NFKB1: variants seen among roughly 807,000 people sequenced by gnomAD.
NFKB1 encodes nuclear factor NF-kappa-B p105 subunit.
Under a neutral mutation model 105.1 loss-of-function variants are expected in NFKB1, and 9 were observed. That is an observed-to-expected ratio of 0.09 (90% CI 0.05 to 0.15). NFKB1 has a LOEUF of 0.15. Among genes scored for constraint, NFKB1 ranks in the 10% least tolerant of loss-of-function variants. The pLI, the probability that NFKB1 is intolerant of heterozygous loss-of-function variation, is 1.00. For synonymous variants in NFKB1, 440 were observed against 442.2 expected (o/e 1.00, Z 0.06); for missense variants, 830 against 1,203.7 (o/e 0.69, Z 4.59).
chr4:102,577,048 C>T lies in NFKB1; in HGVS notation c.571+9C>T, dbSNP rs779388557. On this transcript the variant is annotated intron_variant, in intron 7 of 23. Transcript: ENST00000226574. ...GGACCGGCAGCTGGGAGGTAAGCAT[C>T]ATTTTCCTGGCCTTGATCCTCCAAG... The T allele has an allele frequency of 1.1e-5, 17 of 1,606,262 alleles. No individual in the cohort carries two copies. The highest frequency in any genetic ancestry group is 4.2e-6 in the Non-Finnish European group (5 of 1,177,610).
intron 14 of NFKB1, among the ~76,000 whole-genome samples, chr4:102,597,069 C>T (rs1726679072): frequency 6.6e-6 from 1 of 152,114 alleles, no homozygotes; most frequent in South Asian, 2.1e-4. Context: ...ACGTGAGTGG[C>T]TCATTGAACG....
At chr4:102,588,384 T>G (rs1459305962) in intron 11 of NFKB1, among the ~76,000 whole-genome samples, 1 of 150,908 alleles carries the variant, frequency 6.6e-6, no homozygotes, top group African/African-American at 2.4e-5. Flanking sequence ...ACGATCGAAA[T>G]AATCAAGAGA....
At chr4:102,569,590 G>T (rs143739273) in intron 6 of NFKB1, among the ~76,000 whole-genome samples, 106 of 152,148 alleles carry the variant, frequency 7.0e-4, no homozygotes, top group African/African-American at 2.4e-3. Context: ...TACAGATTAG[G>T]CAAAGAGTAT....
At chr4:102,607,625 T>C (rs1727919112) in intron 18 of NFKB1, 24 bp from the exon 19 acceptor site, 2 of 1,611,356 alleles carry the variant, frequency 1.2e-6, no homozygotes, top group Admixed American at 3.3e-5. Context: ...CCACTAACGC[T>C]TTCTTGTGTG....
At position 102,606,556 on chromosome 4, in the gene NFKB1, G is replaced by A; in HGVS notation, c.1813G>A (p.Ala605Thr). 6.2e-7 allele frequency: 1 copy of A among 1,614,172 alleles called. No homozygotes were observed. Among genetic ancestry groups the A allele is most frequent in the Non-Finnish European group, 8.5e-7 (1 of 1,180,036 alleles). The stretch of plus-strand genomic sequence containing the variant: ...AGATGTGGTGGAGGATTTGCTGAGG[G>A]CTGGGGCCGACCTGAGCCTTCTGGA... ...QEDVVEDLLR[A>T]GADLSLLDRL... The change falls in exon 17 of 24, where the codon GCT becomes ACT. Residue 605 changes from alanine (A) to threonine (T), a missense_variant. By Grantham distance (58) the Ala-to-Thr change is moderately conservative. Coordinates refer to ENST00000226574, the MANE Select transcript of NFKB1 (RefSeq NM_003998.4).
chr4:102,590,013 G>T (rs968237243), intron 11 of NFKB1, among the ~76,000 whole-genome samples: 2 of 152,114 alleles, frequency 1.3e-5, no homozygotes, highest in Non-Finnish European at 2.9e-5. Context: ...GTCTCAGAGG[G>T]CATCACTGTA....
chr4:102,559,916 T>C (rs933374777), intron 5 of NFKB1, among the ~76,000 whole-genome samples: 1 of 146,572 alleles, frequency 6.8e-6, no homozygotes, highest in African/African-American at 2.5e-5. Flanking sequence ...CCAGCCTGAA[T>C]GGCAGAGCAA....
chr4:102,523,755 G>C (rs1008007675), intron 1 of NFKB1, among the ~76,000 whole-genome samples: 2 of 152,074 alleles, frequency 1.3e-5, no homozygotes, highest in Admixed American at 6.5e-5. Flanking sequence ...TAGAAGCCAG[G>C]TCTTCTCCAT....
chr4:102,533,633 G>A lies in NFKB1; in HGVS notation c.119-212G>A, dbSNP rs72696160. ...AACAAACATTTACTTATTGTGGTTC[G>A]CTAAACTCGTAAAACTATTGTTAAA... On this transcript the variant is annotated intron_variant, in intron 3 of 23. Transcript: ENST00000226574. Among the ~76,000 whole-genome samples, 959 of 152,212 alleles carry A rather than the reference G, an allele frequency of 6.3e-3. 1 individual carries two copies. Among genetic ancestry groups the A allele is most frequent in the Non-Finnish European group, 7.8e-3 (533 of 68,012 alleles).
At chr4:102,541,607 A>C (rs1367054849) in intron 5 of NFKB1, among the ~76,000 whole-genome samples, 1 of 152,186 alleles carries the variant, frequency 6.6e-6, no homozygotes, top group Non-Finnish European at 1.5e-5. Context: ...GTGTGTGAAC[A>C]ATGGGAGGGT....
chr4:102,584,628 A>C (rs1578795316), intron 10 of NFKB1, 54 bp from the exon 11 acceptor site: 2 of 77,158 alleles, frequency 2.6e-5, no homozygotes, highest in Non-Finnish European at 4.5e-5. Flanking sequence ...GCATTACTGC[A>C]AAAAAAAAAA....
intron 5 of NFKB1, among the ~76,000 whole-genome samples, chr4:102,542,124 C>T (rs1219552951): frequency 1.1e-4 from 17 of 152,124 alleles, no homozygotes. Flanking sequence ...TACATTAAAT[C>T]ATTTTAAAAC....
Position 102,611,282 on chromosome 4 carries a change from G to A in NFKB1, c.2352+583G>A, listed in dbSNP as rs4648106. Among the ~76,000 whole-genome samples, 858 of 152,224 alleles carry A rather than the reference G, an allele frequency of 5.6e-3. 16 individuals carry two copies. The highest frequency in any genetic ancestry group is 0.019 in the African/African-American group (792 of 41,524). ...TGACAAGATCAGTTCTTCTAGAGAC[G>A]AGAGCTGCTCCACTTCTAAAACTGC... On this transcript the variant is annotated intron_variant, in intron 20 of 23. Transcript: ENST00000226574.
chr4:102,526,179 A>G (rs1487049849), intron 2 of NFKB1, among the ~76,000 whole-genome samples: 1 of 152,102 alleles, frequency 6.6e-6, no homozygotes, highest in African/African-American at 2.4e-5. Flanking sequence ...CGAAGACCCT[A>G]TTTCCAAATA....
intron 6 of NFKB1, among the ~76,000 whole-genome samples, chr4:102,572,655 G>A (rs1428157277): frequency 6.6e-6 from 1 of 152,192 alleles, no homozygotes; most frequent in African/African-American, 2.4e-5. Flanking sequence ...ATTCTGACAG[G>A]TGTGAGATCA....
At chr4:102,596,034 G>T in intron 13 of NFKB1, 104 bp from the exon 14 acceptor site, 1 of 649,982 alleles carries the variant, frequency 1.5e-6, no homozygotes, top group Non-Finnish European at 2.5e-6. Context: ...TTTTCCTTTT[G>T]CAGCAAACTT....
At chr4:102,514,357 G>T (rs1739986840) in intron 1 of NFKB1, among the ~76,000 whole-genome samples, 1 of 152,096 alleles carries the variant, frequency 6.6e-6, no homozygotes. Flanking sequence ...CCAATGTGAT[G>T]GTAGGAAAAG....
chr4:102,506,069 A>G (rs1427694122), intron 1 of NFKB1, among the ~76,000 whole-genome samples: 1 of 152,200 alleles, frequency 6.6e-6, no homozygotes, highest in East Asian at 1.9e-4. Context: ...CAAAAGGGGA[A>G]CATTTCATTC....
intron 1 of NFKB1, among the ~76,000 whole-genome samples, chr4:102,523,622 A>G (rs17032740): frequency 0.033 from 4,985 of 152,230 alleles, 285 homozygotes; most frequent in African/African-American, 0.11. Flanking sequence ...TTCTCTCATC[A>G]CCACCAGCAT....
Sources: allele counts gnomAD v4.1 joint callset (sites outside exome capture counted in the v4.1 genomes callset), GRCh38; gene constraint gnomAD v4.1.1; transcripts MANE v1.5; gene names NCBI Gene and HGNC (gene_info 2026-07-23, HGNC 2026-07-21).